The following TCF25 variants were observed in gnomAD, a reference collection of about 807,000 sequenced individuals.
TCF25 encodes the protein TCF25 ribosome quality control complex subunit.
Under a neutral mutation model 83.1 loss-of-function variants are expected in TCF25, and 41 were observed. The ratio of observed to expected loss-of-function variants is 0.49; its 90% CI spans 0.38 to 0.64. The LOEUF (loss-of-function observed/expected upper bound fraction) is 0.64. TCF25 is among the 30% of genes least tolerant of loss of function. The pLI is 0.00. For synonymous variants in TCF25, 458 were observed against 365.0 expected (o/e 1.25, Z -2.90); for missense variants, 979 against 914.5 (o/e 1.07, Z -0.91).
At chr16:89,878,419 C>A in intron 1 of TCF25, 1 of 1,226,450 alleles carries the variant, frequency 8.2e-7, no homozygotes, top group Non-Finnish European at 1.0e-6. Flanking sequence ...AACTCCGTCT[C>A]TATTAAAAAT....
intron 16 of TCF25, chr16:89,909,531 AATT>A: frequency 6.1e-6 from 1 of 163,570 alleles, no homozygotes; most frequent in Non-Finnish European, 1.3e-5. Flanking sequence ...AAAAAAAAAA[AATT>A]GGGCGTGGTG....
chr16:89,884,467 C>G, intron 2 of TCF25, 115 bp from the exon 3 acceptor site: 1 of 1,038,742 alleles, frequency 9.6e-7, no homozygotes, highest in African/African-American at 1.6e-5. Context: ...TTTTGGGACA[C>G]GGAGGGAGAG....
chr16:89,906,576 G>A (rs1381438620), intron 15 of TCF25, among the ~76,000 whole-genome samples: 1 of 152,202 alleles, frequency 6.6e-6, no homozygotes, highest in East Asian at 1.9e-4. Flanking sequence ...CGGCTGCTGG[G>A]GGATTCTCTG....
chr16:89,903,221 T>C (rs1012048839), intron 12 of TCF25, among the ~76,000 whole-genome samples: 9 of 152,222 alleles, frequency 5.9e-5, no homozygotes, highest in African/African-American at 2.2e-4. Context: ...CGCTGCCACT[T>C]ACCCCAGAAC....
At chr16:89,874,168 G>C (rs578199443) in intron 1 of TCF25, among the ~76,000 whole-genome samples, 2 of 152,248 alleles carry the variant, frequency 1.3e-5, no homozygotes, top group Non-Finnish European at 2.9e-5. Context: ...GGGGTTAAGC[G>C]GGGTCCGGGT....
intron 16 of TCF25, 73 bp from the exon 17 acceptor site, chr16:89,910,518 G>T: frequency 6.6e-7 from 1 of 1,525,648 alleles, no homozygotes; most frequent in East Asian, 2.3e-5. Flanking sequence ...CTGGCAGGCA[G>T]CCCCGTGAGC....
chr16:89,911,145 G>A lies in TCF25; in HGVS notation c.1938G>A (p.Met646Ile). ...GCAACCAGGGCCTGAACAGGCTGATGCTGGCTGTGCGCGACATGATGGCCA... is the reference window on the plus strand; with the variant it reads ...GCAACCAGGGCCTGAACAGGCTGATACTGGCTGTGCGCGACATGATGGCCA... ...LNRNQGLNRLMLAVRDMMANF... is the reference protein window; with the variant it reads ...LNRNQGLNRLILAVRDMMANF... Residue 646 changes from methionine to isoleucine, a missense_variant, in exon 18 of 18, where the codon ATG becomes ATA. By Grantham distance (10) the Met-to-Ile change is conservative. Transcript: ENST00000263346. 1.2e-6 allele frequency: 2 copies of A among 1,612,124 alleles called. No homozygotes were observed. Among genetic ancestry groups the A allele is most frequent in the South Asian group, 1.1e-5 (1 of 91,036 alleles).
At position 89,904,923 on chromosome 16, in the gene TCF25, C is replaced by G. The variant is rs558400621; in HGVS notation, c.1470-15C>G. On this transcript the variant is annotated splice_polypyrimidine_tract_variant and intron_variant, in intron 13 of 17. Coordinates refer to ENST00000263346, the MANE Select transcript of TCF25 (RefSeq NM_014972.3). ...CTGAAGAGGGGTTCTGCTCAGAGCC[C>G]TTGCTCTCCCCCAGCCAGCCCCCTG... 4.4e-6 allele frequency: 7 copies of G among 1,598,216 alleles called. No homozygotes were observed. The East Asian group carries it at 6.8e-5, about 16-fold the overall frequency.
intron 16 of TCF25, 117 bp from the exon 17 acceptor site, chr16:89,910,474 T>G (rs1597403438): frequency 9.9e-7 from 1 of 1,005,320 alleles, no homozygotes. Flanking sequence ...CTCTGCCCCC[T>G]GGCGGCCCCT....
chr16:89,875,562 G>A lies in TCF25; in HGVS notation c.192+1703G>A, dbSNP rs13335332. Among the ~76,000 whole-genome samples the A allele has an allele frequency of 4.4e-4, 51 of 116,566 alleles. 1 individual carries two copies. The highest frequency in any genetic ancestry group is 1.2e-3 in the African/African-American group (34 of 29,340). The allele number at this position is 116,566 out of a possible 152,430, so 76.5% of individuals were successfully genotyped here. A position where few individuals can be genotyped will look rare whatever the true frequency, so the allele number is the denominator to read the frequency against. ...TTTTGAGATGGAGTCTCGCTCTGTC[G>A]CCCAGGCTGGAGTGCAGTGGCATGA... On this transcript the variant is annotated intron_variant, in intron 1 of 17. Transcript: ENST00000263346.
rs775684725 is a variant in TCF25 at position 89,904,973 on chromosome 16, A to G, written c.1505A>G (p.Tyr502Cys). ...PPALSQLVNL[Y>C]LGRSHFLWKE... ...GCCCTGAGCCAGCTGGTGAACCTGT[A>G]CCTTGGGAGGTCACACTTTCTCTGG... is the stretch of plus-strand genomic sequence containing the variant. The change falls in exon 14 of 18, where the codon TAC becomes TGC. Residue 502 changes from tyrosine to cysteine, a missense_variant. Coordinates refer to ENST00000263346, the MANE Select transcript of TCF25 (RefSeq NM_014972.3). The G allele has an allele frequency of 6.2e-7, 1 of 1,608,030 alleles. No individual in the cohort carries two copies. Among genetic ancestry groups the G allele is most frequent in the Non-Finnish European group, 8.5e-7 (1 of 1,177,574 alleles).
Position 89,911,020 on chromosome 16 carries a change from C to T in TCF25, c.1873-60C>T, listed in dbSNP as rs1344741278. The stretch of plus-strand genomic sequence containing the variant: ...GGCTCCACAGTGCCTCCTGCTTGGG[C>T]CCCGGGCCCCTAGTCCCAGCACAGA... On this transcript the variant is annotated intron_variant, in intron 17 of 17. Transcript: ENST00000263346. 6 of 1,595,082 alleles carry T rather than the reference C, an allele frequency of 3.8e-6. No individual in the cohort carries two copies. The Admixed American group carries it at 8.4e-5, about 22-fold the overall frequency.
intron 4 of TCF25, among the ~76,000 whole-genome samples, 188 bp from the exon 5 acceptor site, chr16:89,887,464 C>T (rs2043105015): frequency 6.6e-6 from 1 of 152,228 alleles, no homozygotes; most frequent in Non-Finnish European, 1.5e-5. Flanking sequence ...CGGCAGCTTC[C>T]CCATGGTGCC....
intron 13 of TCF25, 111 bp downstream of exon 13, chr16:89,904,316 G>C: frequency 1.6e-6 from 2 of 1,228,796 alleles, no homozygotes; most frequent in African/African-American, 1.5e-5. Flanking sequence ...GCAGCAGGAG[G>C]GGCTGTGGTG....
chr16:89,906,200 G>A lies in TCF25; in HGVS notation c.1635G>A (p.Lys545=), dbSNP rs764146130. The A allele has an allele frequency of 1.4e-5, 23 of 1,613,158 alleles. No homozygotes were observed. The highest frequency in any genetic ancestry group is 1.9e-5 in the Non-Finnish European group (22 of 1,179,964). ...TGTTTCTCCCCGGCCCTAGGCGGAA[G>A]GTGCTCTACCAGCGTGCACCCAGGA... ...PAVEACENRR[K]VLYQRAPRNI... The change falls in exon 15 of 18, where the codon AAG becomes AAA. Residue 545 remains lysine (K), a synonymous_variant. Transcript: ENST00000263346.
intron 4 of TCF25, among the ~76,000 whole-genome samples, chr16:89,887,109 C>T (rs1453307409): frequency 3.3e-5 from 5 of 152,070 alleles, no homozygotes; most frequent in Admixed American, 2.6e-4. Flanking sequence ...TCATAGCCCA[C>T]TGCAGCCTCG....
chr16:89,900,822 G>A, intron 12 of TCF25, 28 bp downstream of exon 12: 1 of 1,539,758 alleles, frequency 6.5e-7, no homozygotes, highest in South Asian at 1.2e-5. Flanking sequence ...CTCGCCTGGG[G>A]TAGGGGTGTG....
chr16:89,885,861 A>T lies in TCF25; in HGVS notation c.443A>T (p.Glu148Val). 6.2e-7 allele frequency: 1 copy of T among 1,611,826 alleles called. No individual in the cohort carries two copies. Among genetic ancestry groups the T allele is most frequent in the East Asian group, 2.2e-5 (1 of 44,802 alleles). Residue 148 changes from glutamate to valine, a missense_variant, in exon 4 of 18, where the codon GAA (glutamate) becomes GTA (valine). Coordinates refer to ENST00000263346, the MANE Select transcript of TCF25 (RefSeq NM_014972.3). ...TGGGGCTTTTAGGAAAACGGACTAG[A>T]AGATATCGATCGCATCCTAGAGAGG... is the stretch of plus-strand genomic sequence containing the variant. ...STGEASENGL[E>V]DIDRILERIE...
chr16:89,887,068 C>CT (rs1463509324), intron 4 of TCF25, among the ~76,000 whole-genome samples: 4 of 152,052 alleles, frequency 2.6e-5, no homozygotes, highest in African/African-American at 9.7e-5. Flanking sequence ...CAGGATCTCT[C>CT]TATCACCCAG....
Sources: allele counts gnomAD v4.1 joint callset (sites outside exome capture counted in the v4.1 genomes callset), GRCh38; gene constraint gnomAD v4.1.1; transcripts MANE v1.5; gene names NCBI Gene and HGNC (gene_info 2026-07-23, HGNC 2026-07-21).